The following HERC4 variants were observed in gnomAD, a reference collection of about 807,000 sequenced individuals.
The protein encoded by HERC4 is HECT and RLD domain containing E3 ubiquitin protein ligase 4, also known as probable E3 ubiquitin-protein ligase HERC4.
A neutral mutation model predicts 124.3 loss-of-function variants in HERC4; 28 were observed. The observed-to-expected ratio is 0.23, with a 90% CI of 0.17 to 0.31. The LOEUF (loss-of-function observed/expected upper bound fraction) is 0.31. Among genes scored for constraint, HERC4 ranks in the 10% least tolerant of loss-of-function variants. HERC4 has a pLI of 1.00. For missense variants in HERC4, 713 were observed against 1,229.3 expected (o/e 0.58, Z 6.28); for synonymous variants, 407 against 421.5 (o/e 0.97, Z 0.42).
intron 15 of HERC4, among the ~76,000 whole-genome samples, chr10:67,982,567 A>G (rs2035994743): frequency 6.6e-6 from 1 of 152,206 alleles, no homozygotes; most frequent in Non-Finnish European, 1.5e-5. Flanking sequence ...TGGTCTGGGC[A>G]AAAATTTCCT....
chr10:67,924,949 TAAG>T, intron 24 of HERC4, 133 bp downstream of exon 24: 1 of 494,224 alleles, frequency 2.0e-6, no homozygotes, highest in Non-Finnish European at 3.6e-6. Context: ...GCCTTTGAAA[TAAG>T]AAAATACATG....
At position 68,050,335 on chromosome 10, in the gene HERC4, T is replaced by C. The variant is rs79462701; in HGVS notation, c.227-5772A>G. On this transcript the variant is annotated intron_variant, in intron 3 of 24. Transcript: ENST00000373700. Reference sequence around the variant, plus strand: ...GTTTGAACCATGTGAATATATATTGTCTTTTCAAAACAAACAATAAATAAA... The same window carrying C: ...GTTTGAACCATGTGAATATATATTGCCTTTTCAAAACAAACAATAAATAAA... Among the ~76,000 whole-genome samples, 1,262 of 152,348 alleles carry C rather than the reference T, an allele frequency of 8.3e-3. 18 individuals carry two copies. Among genetic ancestry groups the C allele is most frequent in the African/African-American group, 0.029 (1,215 of 41,570 alleles).
Position 67,941,000 on chromosome 10 carries a change from T to G in HERC4, c.2443A>C (p.Lys815Gln). The change falls in exon 20 of 25, where the codon AAA (lysine) becomes CAA (glutamine). Residue 815 changes from lysine to glutamine, a missense_variant. Physicochemically the swap from Lys to Gln is moderately conservative, Grantham distance 53 (BLOSUM62 1). Coordinates refer to ENST00000373700, the MANE Select transcript of HERC4 (RefSeq NM_015601.4). ...DLHFPLALYK[K>Q]LLKKKPSLDD... is the part of the protein sequence containing the mutation. ...AAGGATGGCTTCTTTTTCAGTAGTT[T>G]CTTATATAAAGCCAAAGGAAAATGG... is the stretch of plus-strand genomic sequence containing the variant. The G allele has an allele frequency of 6.2e-7, 1 of 1,612,752 alleles. No homozygotes were observed. Among genetic ancestry groups the G allele is most frequent in the Non-Finnish European group, 8.5e-7 (1 of 1,179,582 alleles).
chr10:68,042,539 C>T (rs2039823665), intron 4 of HERC4, among the ~76,000 whole-genome samples: 1 of 152,162 alleles, frequency 6.6e-6, no homozygotes, highest in African/African-American at 2.4e-5. Flanking sequence ...GGGAGGATGG[C>T]TTGAGCCCAG....
At chr10:68,049,720 C>T (rs755431077) in intron 3 of HERC4, among the ~76,000 whole-genome samples, 7 of 151,418 alleles carry the variant, frequency 4.6e-5, no homozygotes, top group Non-Finnish European at 1.0e-4. Flanking sequence ...AAACCAGCCT[C>T]GGCAACATAA....
At chr10:68,038,051 G>C (rs1381496653) in intron 5 of HERC4, 42 bp downstream of exon 5, 1 of 1,091,508 alleles carries the variant, frequency 9.2e-7, no homozygotes, top group Non-Finnish European at 1.3e-6. Flanking sequence ...AAAGTATCAA[G>C]TAATAAAACT....
intron 16 of HERC4, chr10:67,965,737 A>G (rs2034824002): frequency 6.6e-6 from 1 of 152,264 alleles, no homozygotes; most frequent in Non-Finnish European, 1.5e-5. Context: ...GCTGGTGCCT[A>G]GCAAGCAATG....
At chr10:68,037,744 A>G (rs1046372802) in intron 5 of HERC4, among the ~76,000 whole-genome samples, 1 of 152,216 alleles carries the variant, frequency 6.6e-6, no homozygotes, top group Admixed American at 6.5e-5. Flanking sequence ...GAAGGTGTAT[A>G]AGACCTGTCC....
intron 9 of HERC4, among the ~76,000 whole-genome samples, chr10:68,006,370 TTTTTG>T (rs2037556105): frequency 1.4e-5 from 2 of 147,734 alleles, no homozygotes; most frequent in African/African-American, 2.6e-5. Flanking sequence ...TTTGTTTTTG[TTTTTG>T]TTTTTTTTTT....
chr10:67,951,504 CTGTT>C (rs1365474986), intron 19 of HERC4, among the ~76,000 whole-genome samples: 3 of 152,222 alleles, frequency 2.0e-5, no homozygotes, highest in African/African-American at 2.4e-5. Flanking sequence ...AACCCTTTCA[CTGTT>C]TGTTCTGGAA....
chr10:68,067,418 GTA>G (rs1040420641), intron 3 of HERC4, among the ~76,000 whole-genome samples: 13 of 152,082 alleles, frequency 8.5e-5, no homozygotes, highest in African/African-American at 2.9e-4. Context: ...TCCTTAGAAG[GTA>G]TTGTGAAAAC....
intron 9 of HERC4, among the ~76,000 whole-genome samples, chr10:68,003,877 G>A (rs945240703): frequency 2.0e-5 from 3 of 152,116 alleles, no homozygotes; most frequent in African/African-American, 7.2e-5. Flanking sequence ...TGTATACCCA[G>A]CAATGGATCA....
At chr10:68,023,753 G>A (rs1317375795) in intron 8 of HERC4, among the ~76,000 whole-genome samples, 3 of 152,018 alleles carry the variant, frequency 2.0e-5, no homozygotes, top group African/African-American at 7.2e-5. Context: ...TAGGGTAATT[G>A]ACTATTTATA....
intron 3 of HERC4, among the ~76,000 whole-genome samples, chr10:68,059,816 T>A (rs1458160876): frequency 5.0e-5 from 4 of 80,008 alleles, no homozygotes; most frequent in African/African-American, 7.5e-5. Context: ...ATTATAATAT[T>A]ATATATCATA....
intron 24 of HERC4, 30 bp from the exon 25 acceptor site, chr10:67,923,169 ACTTC>A (rs1417412970): frequency 6.5e-7 from 1 of 1,547,524 alleles, no homozygotes; most frequent in Admixed American, 1.7e-5. Context: ...TCAGTCAACC[ACTTC>A]AAAACAAAAA....
rs2037859266 is a variant in HERC4 at position 68,010,243 on chromosome 10, A to G, written c.1069+3783T>C. The stretch of plus-strand genomic sequence containing the variant: ...TGGGAGAGCCCAGAGTGGCGACAGA[A>G]ACAGGGGGAAAGGCACTAAGGAACA... On this transcript the variant is annotated intron_variant, in intron 9 of 24. Transcript: ENST00000373700. 2.9e-6 allele frequency: 3 copies of G among 1,040,794 alleles called. No individual in the cohort carries two copies. The Admixed American group carries it at 6.1e-5, about 21-fold the overall frequency. The allele number at this position is 1,040,794 out of a possible 1,614,324, so 64.5% of individuals were successfully genotyped here.
chr10:68,008,114 TCTTCTCC>T lies in HERC4; in HGVS notation c.1069+5905_1069+5911del, dbSNP rs2037693322. The T allele has an allele frequency of 2.0e-5, 3 of 152,346 alleles. No homozygotes were observed. The South Asian group carries it at 6.2e-4, about 32-fold the overall frequency. The allele number at this position is 152,346 out of a possible 1,614,324, so 9.4% of individuals were successfully genotyped here. ...TGGATTACTAGGCAGAGTCTCTTGT[TCTTCTCC>T]CTTACTCTCCCCCAAACAAATGAAG... On this transcript the variant is annotated intron_variant, in intron 9 of 24. Transcript: ENST00000373700.
chr10:68,038,175 AAAG>A lies in HERC4; in HGVS notation c.387-9_387-7del, dbSNP rs748469130. 1.2e-5 allele frequency: 17 copies of A among 1,458,762 alleles called. No homozygotes were observed. The highest frequency in any genetic ancestry group is 1.5e-5 in the Non-Finnish European group (16 of 1,079,858). 90.4% of individuals were successfully genotyped at this position (1,458,762 alleles called of 1,614,324 possible). A position where few individuals can be genotyped will look rare whatever the true frequency, so the allele number is the denominator to read the frequency against. ...CTGACAAACTTTTAATATTTCTAGAAAAGAAGAAGACAGATCAAGACCAGTTAA... is the reference window on the plus strand; with the variant it reads ...CTGACAAACTTTTAATATTTCTAGAAAAGAAGACAGATCAAGACCAGTTAA... On this transcript the variant is annotated splice_region_variant and splice_polypyrimidine_tract_variant and intron_variant, in intron 4 of 24. Coordinates refer to ENST00000373700, the MANE Select transcript of HERC4 (RefSeq NM_015601.4).
intron 9 of HERC4, among the ~76,000 whole-genome samples, chr10:68,013,153 A>T (rs1002546519): frequency 6.6e-6 from 1 of 152,240 alleles, no homozygotes; most frequent in Non-Finnish European, 1.5e-5. Flanking sequence ...CTGTGTCAGC[A>T]TTATTAAGCA....
Sources: gnomAD v4.1 joint callset for allele counts (sites outside exome capture counted in the v4.1 genomes callset) on GRCh38, gnomAD v4.1.1 for gene constraint, MANE v1.5 for transcripts, NCBI Gene and HGNC (gene_info 2026-07-23, HGNC 2026-07-21) for gene names.